DAB1: variants seen among roughly 807,000 people sequenced by gnomAD.
DAB1 encodes the protein DAB adaptor protein 1.
DAB1 carries 15 observed loss-of-function variants against 64.6 expected under a neutral mutation model. That is an observed-to-expected ratio of 0.23 (90% CI 0.16 to 0.36). The LOEUF (loss-of-function observed/expected upper bound fraction) is 0.36, where lower values mean the gene tolerates loss of function less well. Ranked by LOEUF, DAB1 falls within the 10% of genes least tolerant of loss-of-function variation. DAB1 has a pLI of 1.00. For missense variants in DAB1, 596 were observed against 706.7 expected (o/e 0.84, Z 1.78); for synonymous variants, 235 against 251.9 (o/e 0.93, Z 0.64).
At chr1:57,569,256 CAAA>C (rs3991203) in intron 7 of DAB1, among the ~76,000 whole-genome samples, 2 of 67,862 alleles carry the variant, frequency 2.9e-5, no homozygotes, top group Admixed American at 1.9e-4. Flanking sequence ...GACTCCGTCT[CAAA>C]AAAAAAAAAA....
At chr1:57,004,397 TAC>T (rs1306300509) in intron 14 of DAB1, among the ~76,000 whole-genome samples, 5 of 152,222 alleles carry the variant, frequency 3.3e-5, no homozygotes, top group African/African-American at 1.2e-4. Context: ...TCAAAAGCAA[TAC>T]ATCTTACTAG....
intron 4 of DAB1, among the ~76,000 whole-genome samples, chr1:57,122,055 T>C (rs1433946178): frequency 6.6e-6 from 1 of 152,182 alleles, no homozygotes; most frequent in African/African-American, 2.4e-5. Flanking sequence ...AAACATTGCC[T>C]GTACGATCAA....
chr1:58,413,559 G>A (rs755440888), intron 3 of DAB1, among the ~76,000 whole-genome samples: 3 of 152,180 alleles, frequency 2.0e-5, no homozygotes, highest in Non-Finnish European at 4.4e-5. Flanking sequence ...AGCTGGGAAA[G>A]GGAGATCTGT....
chr1:57,616,342 A>C (rs1021972030), intron 7 of DAB1, among the ~76,000 whole-genome samples: 4 of 151,874 alleles, frequency 2.6e-5, no homozygotes, highest in Admixed American at 2.0e-4. Flanking sequence ...TTCCTCAGTC[A>C]CTCTCAATGG....
intron 5 of DAB1, among the ~76,000 whole-genome samples, chr1:58,039,922 C>T (rs1647108761): frequency 6.6e-6 from 1 of 152,016 alleles, no homozygotes; most frequent in African/African-American, 2.4e-5. Flanking sequence ...CAATATTATC[C>T]ATTATTGTTA....
intron 1 of DAB1, among the ~76,000 whole-genome samples, chr1:57,294,286 A>T (rs936590719): frequency 1.9e-4 from 29 of 152,314 alleles, no homozygotes; most frequent in Middle Eastern, 6.8e-3. Flanking sequence ...CAGTAATTTA[A>T]TATTCCTGAA....
chr1:58,342,996 A>G (rs924194656), intron 4 of DAB1, among the ~76,000 whole-genome samples: 2 of 152,176 alleles, frequency 1.3e-5, no homozygotes, highest in Non-Finnish European at 2.9e-5. Context: ...CTTTGCTTAT[A>G]GGCTTATGTC....
chr1:57,172,446 A>T (rs1661868673), intron 2 of DAB1, among the ~76,000 whole-genome samples: 1 of 152,200 alleles, frequency 6.6e-6, no homozygotes, highest in African/African-American at 2.4e-5. Flanking sequence ...ATTTGGCCAA[A>T]TGGCATTGTC....
At chr1:58,267,490 C>T (rs1430216004) in intron 4 of DAB1, among the ~76,000 whole-genome samples, 2 of 152,138 alleles carry the variant, frequency 1.3e-5, no homozygotes, top group African/African-American at 4.8e-5. Flanking sequence ...AAGACAGCAT[C>T]TTTCAAAAAA....
At chr1:58,195,685 G>C (rs72667945) in intron 4 of DAB1, among the ~76,000 whole-genome samples, 4,937 of 152,258 alleles carry the variant, frequency 0.032, 109 homozygotes, top group Middle Eastern at 0.054. Context: ...GCAAATATGA[G>C]TCAGAAGATA....
chr1:57,318,821 G>A (rs1040810463), intron 1 of DAB1, among the ~76,000 whole-genome samples: 4 of 150,712 alleles, frequency 2.7e-5, no homozygotes, highest in South Asian at 2.1e-4. Context: ...GGCTTGTTAC[G>A]TTGTGGTTTC....
chr1:58,234,709 A>T (rs187477091), intron 4 of DAB1, among the ~76,000 whole-genome samples: 2 of 152,320 alleles, frequency 1.3e-5, no homozygotes, highest in East Asian at 3.9e-4. Flanking sequence ...CAGGGCACAC[A>T]TAGGAAACTG....
chr1:58,050,952 A>G (rs1010039937), intron 5 of DAB1, among the ~76,000 whole-genome samples: 1 of 152,100 alleles, frequency 6.6e-6, no homozygotes, highest in African/African-American at 2.4e-5. Flanking sequence ...TACATGCTAC[A>G]TGTTGTTCTA....
chr1:57,480,520 T>G (rs1644003613), intron 7 of DAB1, among the ~76,000 whole-genome samples: 1 of 151,896 alleles, frequency 6.6e-6, no homozygotes, highest in South Asian at 2.1e-4. Flanking sequence ...AGTCTCGCTC[T>G]GTCACCCAGG....
chr1:58,534,286 G>A (rs754509830), intron 1 of DAB1: 9 of 868,022 alleles, frequency 1.0e-5, no homozygotes, highest in East Asian at 7.2e-5. Flanking sequence ...GCCAGGTATC[G>A]GGCATCTTTC....
At chr1:57,743,715 C>T (rs1277339335) in intron 6 of DAB1, among the ~76,000 whole-genome samples, 1 of 152,122 alleles carries the variant, frequency 6.6e-6, no homozygotes, top group East Asian at 1.9e-4. Context: ...AACCCAGCGG[C>T]GCTAGAGGAA....
At chr1:57,629,200 C>G (rs1209940067) in intron 7 of DAB1, among the ~76,000 whole-genome samples, 1 of 152,196 alleles carries the variant, frequency 6.6e-6, no homozygotes, top group Admixed American at 6.5e-5. Flanking sequence ...TTTACTGTTA[C>G]ATGTTGCAGA....
intron 2 of DAB1, among the ~76,000 whole-genome samples, chr1:58,521,496 T>C (rs1646264025): frequency 6.6e-6 from 1 of 151,660 alleles, no homozygotes. Flanking sequence ...ACCCAAAAGA[T>C]GGTTTTGAAA....
intron 1 of DAB1, among the ~76,000 whole-genome samples, chr1:57,393,411 G>T (rs1160632908): frequency 6.6e-6 from 1 of 152,184 alleles, no homozygotes; most frequent in Non-Finnish European, 1.5e-5. Flanking sequence ...TAAATCAGGA[G>T]GCCGGGTGCA....
Sources: gnomAD v4.1 joint callset for allele counts (sites outside exome capture counted in the v4.1 genomes callset) on GRCh38, gnomAD v4.1.1 for gene constraint, MANE v1.5 for transcripts, NCBI Gene and HGNC (gene_info 2026-07-23, HGNC 2026-07-21) for gene names.